CENPI: variants seen among roughly 807,000 people sequenced by gnomAD.
CENPI encodes FSH primary response 1.
A neutral mutation model predicts 60.4 loss-of-function variants in CENPI; 4 were observed. The observed-to-expected ratio is 0.07, with a 90% CI of 0.03 to 0.15. The LOEUF is 0.15. Among genes scored for constraint, CENPI ranks in the 10% least tolerant of loss-of-function variants. CENPI has a pLI of 1.00. For synonymous variants in CENPI, 157 were observed against 189.4 expected (o/e 0.83, Z 1.40); for missense variants, 444 against 534.5 (o/e 0.83, Z 1.67).
At chrX:101,110,201 C>A (rs1039096658) in intron 6 of CENPI, among the ~76,000 whole-genome samples, 12 of 112,376 alleles carry the variant, frequency 1.1e-4, no homozygotes, top group Admixed American at 6.7e-4. Context: ...TTGCACCTGT[C>A]TCTCAGATTA....
chrX:101,143,461 TA>T (rs1309839330), intron 16 of CENPI, among the ~76,000 whole-genome samples: 1 of 111,697 alleles, frequency 9.0e-6, no homozygotes, highest in Non-Finnish European at 1.9e-5. Flanking sequence ...GCTAGAAGAA[TA>T]AAAGATGCCA....
intron 21 of CENPI, among the ~76,000 whole-genome samples, chrX:101,162,517 A>G (rs1266570072): frequency 9.6e-6 from 1 of 104,434 alleles, no homozygotes; most frequent in African/African-American, 3.6e-5. Context: ...AAAAACTGCT[A>G]TTTACACATT....
At chrX:101,112,110 A>G (rs778919000) in intron 6 of CENPI, among the ~76,000 whole-genome samples, 2 of 112,019 alleles carry the variant, frequency 1.8e-5, no homozygotes, top group Non-Finnish European at 3.8e-5. Flanking sequence ...AAAATGAACA[A>G]AACAGTCCTG....
At chrX:101,159,912 G>A (rs1458566148) in intron 20 of CENPI, among the ~76,000 whole-genome samples, 5 of 112,391 alleles carry the variant, frequency 4.4e-5, no homozygotes, top group Non-Finnish European at 9.4e-5. Flanking sequence ...GTAAATTTGA[G>A]ATGCTTGTTA....
intron 4 of CENPI, among the ~76,000 whole-genome samples, chrX:101,105,068 G>A (rs1015547612): frequency 1.8e-5 from 2 of 111,490 alleles, no homozygotes; most frequent in East Asian, 2.8e-4. Flanking sequence ...TATCTGATTA[G>A]TTCTCTGTTT....
downstream of CENPI, among the ~76,000 whole-genome samples, chrX:101,169,464 A>G (rs1278274952): frequency 1.8e-5 from 2 of 111,017 alleles, no homozygotes; most frequent in Non-Finnish European, 3.8e-5. Context: ...AACGTGTTAC[A>G]TGTTTGTGAT....
In CENPI at chrX:101,109,939, A is replaced by G. The variant is rs1424390409; in HGVS notation, c.532A>G (p.Lys178Glu). Residue 178 changes from lysine to glutamate, a missense_variant, in exon 6 of 22, where the codon AAG becomes GAG. Coordinates refer to ENST00000682095, the MANE Select transcript of CENPI (RefSeq NM_001386188.2). The stretch of plus-strand genomic sequence containing the variant: ...TGCAATGTTTGACTTCATTGATCGT[A>G]AGGAGCAAATTAACTTGCTCTATGG... Reference protein sequence around the residue: ...LVAMFDFIDRKEQINLLYGFF... With the variant: ...LVAMFDFIDREEQINLLYGFF... 8.3e-7 allele frequency: 1 copy of G among 1,208,437 alleles called. No homozygotes were observed. The highest frequency in any genetic ancestry group is 2.2e-5 in the Admixed American group (1 of 45,900).
chrX:101,150,371 T>A (rs183508445), intron 20 of CENPI, among the ~76,000 whole-genome samples: 294 of 109,132 alleles, frequency 2.7e-3, no homozygotes, highest in Non-Finnish European at 3.3e-3. Context: ...CCTTATTATT[T>A]TTTTTTTTTA....
At chrX:101,119,417 A>G (rs373030064) in intron 6 of CENPI, among the ~76,000 whole-genome samples, 2 of 111,843 alleles carry the variant, frequency 1.8e-5, no homozygotes, top group Admixed American at 1.9e-4. Context: ...TAGAGAAGGT[A>G]TTGGCAAACT....
At chrX:101,101,782 C>T (rs2089419907) in intron 3 of CENPI, among the ~76,000 whole-genome samples, 1 of 112,496 alleles carries the variant, frequency 8.9e-6, no homozygotes, top group African/African-American at 3.2e-5. Context: ...AATGTCAGGG[C>T]ATAATCCAGC....
At chrX:101,105,076 T>G (rs1189080863) in intron 4 of CENPI, among the ~76,000 whole-genome samples, 1 of 112,007 alleles carries the variant, frequency 8.9e-6, no homozygotes, top group Admixed American at 9.6e-5. Context: ...TAGTTCTCTG[T>G]TTCCCTAGAA....
At chrX:101,171,029 T>TA (rs1602877739), downstream of CENPI, among the ~76,000 whole-genome samples, 1 of 112,013 alleles carries the variant, frequency 8.9e-6, no homozygotes, top group Non-Finnish European at 1.9e-5. Context: ...GAACAATATA[T>TA]TTTTCAATAT....
the CENPI span, among the ~76,000 whole-genome samples, chrX:101,180,528 T>C: frequency 8.9e-6 from 1 of 112,174 alleles, no homozygotes; most frequent in African/African-American, 3.2e-5. Context: ...TTCTCAGATA[T>C]ATGATTTGCA....
intron 15 of CENPI, among the ~76,000 whole-genome samples, chrX:101,136,280 T>C (rs2089847468): frequency 9.0e-6 from 1 of 111,512 alleles, no homozygotes; most frequent in South Asian, 3.8e-4. Context: ...AAGCATACTT[T>C]GTAGAATATG....
chrX:101,102,492 T>TACAC, intron 4 of CENPI, 81 bp downstream of exon 4: 2 of 305,380 alleles, frequency 6.5e-6, no homozygotes, highest in Non-Finnish European at 1.1e-5. Context: ...ATCTTATATA[T>TACAC]ATATACACAC....
chrX:101,162,694 C>G (rs1248245634), intron 21 of CENPI, 139 bp from the exon 22 acceptor site: 3 of 594,520 alleles, frequency 5.0e-6, no homozygotes, highest in Non-Finnish European at 7.9e-6. Flanking sequence ...TACTTAGTGA[C>G]TGAGCTCATT....
chrX:101,122,899 G>T (rs893074160), intron 8 of CENPI, among the ~76,000 whole-genome samples: 2 of 112,046 alleles, frequency 1.8e-5, no homozygotes, highest in Admixed American at 9.5e-5. Flanking sequence ...ACAAACAAAA[G>T]ATCTTGCTGA....
At chrX:101,111,398 T>C (rs936508543) in intron 6 of CENPI, among the ~76,000 whole-genome samples, 2 of 110,800 alleles carry the variant, frequency 1.8e-5, no homozygotes, top group African/African-American at 6.6e-5. Context: ...TATTTGCCAT[T>C]TTCACTTTGT....
chrX:101,150,933 G>T (rs2090001671), intron 20 of CENPI, among the ~76,000 whole-genome samples: 1 of 111,378 alleles, frequency 9.0e-6, no homozygotes, highest in South Asian at 3.7e-4. Context: ...TTGTGTGTGT[G>T]TGTGTGTGTG....
Sources: allele counts gnomAD v4.1 joint callset (sites outside exome capture counted in the v4.1 genomes callset), GRCh38; gene constraint gnomAD v4.1.1; transcripts MANE v1.5; gene names NCBI Gene and HGNC (gene_info 2026-07-23, HGNC 2026-07-21).